Variants in MSN observed in about 807,000 individuals in gnomAD.
The protein encoded by MSN is epididymis luminal protein 70.
Under a neutral mutation model 48.0 loss-of-function variants are expected in MSN, and 2 were observed. The observed-to-expected ratio is 0.04, with a 90% CI of 0.02 to 0.13. The LOEUF (loss-of-function observed/expected upper bound fraction) is 0.13, where lower values mean the gene tolerates loss of function less well. MSN is among the 10% of genes least tolerant of loss of function. MSN has a pLI of 1.00. For synonymous variants in MSN, 146 were observed against 166.9 expected (o/e 0.87, Z 0.97); for missense variants, 267 against 470.1 (o/e 0.57, Z 3.99).
chrX:65,676,977 G>A (rs888327079), intron 1 of MSN, among the ~76,000 whole-genome samples: 1 of 110,028 alleles, frequency 9.1e-6, no homozygotes. Flanking sequence ...GGTGTGCGCC[G>A]CCACGCCCGG....
intron 2 of MSN, among the ~76,000 whole-genome samples, chrX:65,722,408 T>C (rs1290438083): frequency 1.0e-5 from 1 of 99,504 alleles, no homozygotes; most frequent in Non-Finnish European, 2.1e-5. Flanking sequence ...CACGCTCGTG[T>C]GTGTGTGTGT....
At chrX:65,613,816 T>C (rs2070342562) in intron 1 of MSN, among the ~76,000 whole-genome samples, 1 of 112,311 alleles carries the variant, frequency 8.9e-6, no homozygotes, top group Admixed American at 9.5e-5. Flanking sequence ...TCCCATTCTG[T>C]AGGTTGCCTG....
chrX:65,636,747 C>CAAAA (rs1219240320), intron 1 of MSN, among the ~76,000 whole-genome samples: 241 of 6,337 alleles, frequency 0.038, 59 homozygotes, highest in African/African-American at 0.088. Flanking sequence ...AACTCCATCT[C>CAAAA]AAAAAAAAAA....
At chrX:65,703,651 C>G (rs1358829343) in intron 1 of MSN, among the ~76,000 whole-genome samples, 2 of 111,858 alleles carry the variant, frequency 1.8e-5, no homozygotes, top group Non-Finnish European at 3.8e-5. Context: ...ACCTCTGCCT[C>G]CTGTGTTGAA....
At chrX:65,620,163 TTGTC>T (rs961289745) in intron 1 of MSN, among the ~76,000 whole-genome samples, 1 of 112,573 alleles carries the variant, frequency 8.9e-6, no homozygotes, top group African/African-American at 3.2e-5. Context: ...GTCTTTTTGT[TTGTC>T]TGTGCCCTGC....
At chrX:65,596,313 A>G (rs1182099064) in intron 1 of MSN, among the ~76,000 whole-genome samples, 1 of 111,193 alleles carries the variant, frequency 9.0e-6, no homozygotes, top group Admixed American at 9.6e-5. Flanking sequence ...TAAGCTGACT[A>G]TGAATGAATC....
intron 1 of MSN, among the ~76,000 whole-genome samples, chrX:65,602,015 C>T (rs2070240319): frequency 9.0e-6 from 1 of 111,707 alleles, no homozygotes; most frequent in Non-Finnish European, 1.9e-5. Flanking sequence ...ACAGTTAGGG[C>T]CTACTCTGAG....
At chrX:65,714,260 T>C (rs1257949573) in intron 1 of MSN, among the ~76,000 whole-genome samples, 1 of 112,196 alleles carries the variant, frequency 8.9e-6, no homozygotes, top group Non-Finnish European at 1.9e-5. Flanking sequence ...CTATTGTGAA[T>C]AGTGCTTCAA....
intron 1 of MSN, among the ~76,000 whole-genome samples, chrX:65,614,169 T>A (rs1245474658): frequency 4.5e-5 from 5 of 111,650 alleles, no homozygotes; most frequent in Non-Finnish European, 7.5e-5. Context: ...TTGTCAAAGA[T>A]CAGATGGTTG....
intron 10 of MSN, 95 bp from the exon 11 acceptor site, chrX:65,738,430 G>C: frequency 1.5e-6 from 1 of 684,186 alleles, no homozygotes; most frequent in Non-Finnish European, 2.2e-6. Flanking sequence ...GGAGCAGTAG[G>C]TCCCTTACTA....
intron 2 of MSN, 95 bp downstream of exon 2, chrX:65,716,996 C>G (rs1221614957): frequency 1.3e-5 from 10 of 790,642 alleles, no homozygotes; most frequent in Non-Finnish European, 1.7e-5. Context: ...CAAAGAATCT[C>G]TCTTCCTGTT....
At chrX:65,657,521 T>C (rs1331455369) in intron 1 of MSN, among the ~76,000 whole-genome samples, 1 of 111,403 alleles carries the variant, frequency 9.0e-6, no homozygotes, top group Non-Finnish European at 1.9e-5. Flanking sequence ...TCCAAGAGGA[T>C]AGTGACTTAA....
intron 1 of MSN, among the ~76,000 whole-genome samples, chrX:65,651,618 G>T (rs186821921): frequency 1.9e-5 from 2 of 103,149 alleles, no homozygotes; most frequent in Non-Finnish European, 3.9e-5. Flanking sequence ...ATGGACTTTC[G>T]CTGTTCTTGT....
At chrX:65,609,460 C>T (rs1158833738) in intron 1 of MSN, among the ~76,000 whole-genome samples, 13 of 111,280 alleles carry the variant, frequency 1.2e-4, no homozygotes, top group Non-Finnish European at 5.7e-5. Flanking sequence ...TTGCTATGAA[C>T]TTGATCACAT....
At chrX:65,610,921 G>C (rs962764401) in intron 1 of MSN, among the ~76,000 whole-genome samples, 4 of 111,764 alleles carry the variant, frequency 3.6e-5, no homozygotes, top group Non-Finnish European at 7.5e-5. Flanking sequence ...ACAATTTGTA[G>C]ATTTACAATT....
intron 1 of MSN, among the ~76,000 whole-genome samples, chrX:65,655,304 A>T (rs1462126277): frequency 3.6e-5 from 4 of 111,629 alleles, no homozygotes; most frequent in African/African-American, 1.3e-4. Context: ...GATCATGGCC[A>T]AGTGACCTTA....
chrX:65,650,978 T>C (rs2070737679), intron 1 of MSN, among the ~76,000 whole-genome samples: 1 of 111,761 alleles, frequency 8.9e-6, no homozygotes, highest in Non-Finnish European at 1.9e-5. Context: ...TCTTCCACTG[T>C]TCCACTTATA....
In MSN at chrX:65,716,865, C is replaced by T; in HGVS notation, c.60C>T (p.Ile20=). 8.3e-7 allele frequency: 1 copy of T among 1,210,711 alleles called. No individual in the cohort carries two copies. ...TTMDAELEFA[I]QPNTTGKQLF... ...TGGATGCAGAGCTGGAGTTTGCCATCCAGCCCAACACCACCGGGAAGCAGC... is the reference window on the plus strand; with the variant it reads ...TGGATGCAGAGCTGGAGTTTGCCATTCAGCCCAACACCACCGGGAAGCAGC... The change falls in exon 2 of 13, where the codon ATC becomes ATT. Residue 20 remains isoleucine (I), a synonymous_variant. Coordinates refer to ENST00000360270, the MANE Select transcript of MSN (RefSeq NM_002444.3).
At chrX:65,667,534 C>A, upstream of MSN, 1 of 679,852 alleles carries the variant, frequency 1.5e-6, no homozygotes, top group Non-Finnish European at 1.8e-6. Flanking sequence ...CTGGCTGCGC[C>A]GGGCCTGGCC....
Sources: gnomAD v4.1 joint callset for allele counts (sites outside exome capture counted in the v4.1 genomes callset) on GRCh38, gnomAD v4.1.1 for gene constraint, MANE v1.5 for transcripts, NCBI Gene and HGNC (gene_info 2026-07-23, HGNC 2026-07-21) for gene names.